The following MYO5B variants were observed in gnomAD, a reference collection of about 807,000 sequenced individuals.
MYO5B encodes the protein unconventional myosin-Vb.
A neutral mutation model predicts 229.3 loss-of-function variants in MYO5B; 143 were observed. That is an observed-to-expected ratio of 0.62 (90% CI 0.54 to 0.72). MYO5B has a LOEUF of 0.72. MYO5B is among the 30% of genes least tolerant of loss of function. The probability of loss-of-function intolerance (pLI) is 0.00; values close to 1 mark genes in which losing one functional copy is unlikely to be tolerated. For missense variants in MYO5B, 2,321 were observed against 2,331.0 expected (o/e 1.00, Z 0.09); for synonymous variants, 918 against 885.2 (o/e 1.04, Z -0.66).
intron 11 of MYO5B, 130 bp from the exon 12 acceptor site, chr18:49,962,536 T>A: frequency 7.6e-7 from 1 of 1,307,982 alleles, no homozygotes; most frequent in Non-Finnish European, 1.1e-6. Context: ...GGATGCTAAG[T>A]CATAGTTATG....
At chr18:49,847,060 G>A in intron 33 of MYO5B, 86 bp downstream of exon 33, 1 of 1,555,468 alleles carries the variant, frequency 6.4e-7, no homozygotes, top group South Asian at 1.1e-5. Flanking sequence ...GTGAAGGAAG[G>A]GGTGTGGGGG....
chr18:50,055,235 A>AACCCCCCCCCCCCCCCCC, intron 2 of MYO5B, 33 bp downstream of exon 2: 1 of 353,292 alleles, frequency 2.8e-6, no homozygotes, highest in Non-Finnish European at 5.7e-6. Flanking sequence ...GCCCCACCTC[A>AACCCCCCCCCCCCCCCCC]CCCCCGCCCC....
intron 2 of MYO5B, 43 bp downstream of exon 2, chr18:50,055,225 G>GGCCCCCCCCCCCCCCCCCC: frequency 4.3e-6 from 3 of 700,368 alleles, no homozygotes; most frequent in Non-Finnish European, 2.7e-6. Context: ...TGAGCTCCCT[G>GGCCCCCCCCCCCCCCCCCC]CCCCACCTCA....
chr18:49,992,357 G>T lies in MYO5B; in HGVS notation c.687C>A (p.Asp229Glu). ...TGGCCCCGATGATGTGGTACCTTTT[G>T]TCAAAGCCAATCTGGATGTACTTGC... ...RFGKYIQIGF[D>E]KRYHIIGANM... Residue 229 changes from aspartate (D) to glutamate (E), a missense_variant, in exon 6 of 40, where the codon GAC (aspartate) becomes GAA (glutamate). Around this residue, in one of 2 missense-constraint regions of MYO5B, gnomAD observed 2,113 missense variants for 2,044.7 expected, o/e 1.03. Coordinates refer to ENST00000285039, the MANE Select transcript of MYO5B (RefSeq NM_001080467.3). 6.2e-7 allele frequency: 1 copy of T among 1,614,174 alleles called. No individual in the cohort carries two copies. Among genetic ancestry groups the T allele is most frequent in the Non-Finnish European group, 8.5e-7 (1 of 1,180,026 alleles).
At chr18:49,830,932 G>A (rs949287930) in intron 39 of MYO5B, among the ~76,000 whole-genome samples, 4 of 150,804 alleles carry the variant, frequency 2.7e-5, no homozygotes, top group Admixed American at 6.6e-5. Flanking sequence ...GTATGGTACT[G>A]GTATACGGAC....
At chr18:49,879,779 T>C (rs2024566683) in intron 23 of MYO5B, among the ~76,000 whole-genome samples, 1 of 152,148 alleles carries the variant, frequency 6.6e-6, no homozygotes, top group Non-Finnish European at 1.5e-5. Context: ...GAGTGGCACA[T>C]GGGGACTGAT....
At chr18:49,999,997 T>C (rs1367802648) in intron 5 of MYO5B, among the ~76,000 whole-genome samples, 1 of 152,258 alleles carries the variant, frequency 6.6e-6, no homozygotes, top group African/African-American at 2.4e-5. Flanking sequence ...AACTTGCTTT[T>C]CAAAAATTCA....
rs747427142 is a variant in MYO5B, at chr18:49,902,692, C to G, written c.2713G>C (p.Ala905Pro). Reference sequence around the variant, plus strand: ...GCTGAGCGGGCCTCAATCCTGAGGGCCTTCAGCTCCCGCCTGGCCTTGAGC... The same window carrying G: ...GCTGAGCGGGCCTCAATCCTGAGGGGCTTCAGCTCCCGCCTGGCCTTGAGC... Reference protein sequence around the residue: ...RMLKARRELKALRIEARSAEH... With the variant: ...RMLKARRELKPLRIEARSAEH... The change falls in exon 21 of 40, where the codon GCC (alanine) becomes CCC (proline). Residue 905 changes from alanine (A) to proline (P), a missense_variant. Transcript: ENST00000285039. 6.2e-7 allele frequency: 1 copy of G among 1,612,434 alleles called. No individual in the cohort carries two copies. Among genetic ancestry groups the G allele is most frequent in the Non-Finnish European group, 8.5e-7 (1 of 1,180,044 alleles).
chr18:50,156,963 G>T (rs191094332), intron 1 of MYO5B, among the ~76,000 whole-genome samples: 22 of 152,086 alleles, frequency 1.4e-4, no homozygotes, highest in African/African-American at 5.3e-4. Flanking sequence ...CTGATCCCCT[G>T]TAACTCTCTA....
At chr18:49,913,574 C>A (rs8084214) in intron 17 of MYO5B, among the ~76,000 whole-genome samples, 8,307 of 152,068 alleles carry the variant, frequency 0.055, 587 homozygotes, top group African/African-American at 0.16. Context: ...ATACCCCTCA[C>A]GTGGAAGTAA....
intron 30 of MYO5B, among the ~76,000 whole-genome samples, chr18:49,855,557 C>T (rs2024252461): frequency 6.6e-6 from 1 of 152,178 alleles, no homozygotes; most frequent in Admixed American, 6.5e-5. Flanking sequence ...TGAATAATAA[C>T]CATGATAGTA....
rs117467596 is a variant in MYO5B at position 50,154,367 on chromosome 18, C to A, written c.27+40400G>T. 1.5e-3 allele frequency among the ~76,000 whole-genome samples: 229 copies of A among 152,254 alleles called. 1 individual carries two copies. In the East Asian group the frequency reaches 0.025, roughly 16 times the overall value. Reference sequence around the variant, plus strand: ...CTCACAACATTGAAGTCAAGAGTTTCTTCTTTGCACACTAAATCTGGCTCC... The same window carrying A: ...CTCACAACATTGAAGTCAAGAGTTTATTCTTTGCACACTAAATCTGGCTCC... On this transcript the variant is annotated intron_variant, in intron 1 of 39. Transcript: ENST00000285039.
chr18:49,960,062 G>T (rs901534491), intron 12 of MYO5B, among the ~76,000 whole-genome samples: 1 of 151,966 alleles, frequency 6.6e-6, no homozygotes, highest in African/African-American at 2.4e-5. Flanking sequence ...ACAGGCCCTG[G>T]GGAGTGCTCC....
intron 14 of MYO5B, among the ~76,000 whole-genome samples, chr18:49,950,116 G>A (rs1246044502): frequency 1.3e-5 from 2 of 152,296 alleles, no homozygotes; most frequent in South Asian, 2.1e-4. Flanking sequence ...GGGGCTCAGG[G>A]TAGAGAGTTC....
intron 25 of MYO5B, 98 bp downstream of exon 25, chr18:49,877,665 A>G: frequency 6.5e-7 from 1 of 1,548,972 alleles, no homozygotes; most frequent in Non-Finnish European, 8.9e-7. Context: ...TCTGGTCACC[A>G]TCAGCAGAAG....
chr18:49,875,721 T>A lies in MYO5B; in HGVS notation c.3503A>T (p.Glu1168Val), dbSNP rs749027491. The change falls in exon 26 of 40, where the codon GAG (glutamate) becomes GTG (valine). Residue 1168 changes from glutamate (E) to valine (V), a missense_variant. Physicochemically the swap from Glu to Val is moderately radical, Grantham distance 121 (BLOSUM62 -2). Around this residue, in one of 2 missense-constraint regions of MYO5B, gnomAD observed 2,113 missense variants for 2,044.7 expected, o/e 1.03. Transcript: ENST00000285039. Reference sequence around the variant, plus strand: ...CTTGCTGTCCTGCTGTTCTCTCTTCTCCAGCTGCACTTGCAGCTTTTTCCT... The same window carrying A: ...CTTGCTGTCCTGCTGTTCTCTCTTCACCAGCTGCACTTGCAGCTTTTTCCT... ...QERKKLQVQL[E>V]KREQQDSKKV... is the part of the protein sequence containing the mutation. 6.2e-7 allele frequency: 1 copy of A among 1,614,162 alleles called. No homozygotes were observed. The highest frequency in any genetic ancestry group is 8.5e-7 in the Non-Finnish European group (1 of 1,180,012).
At chr18:50,102,561 C>T (rs1164565833) in intron 1 of MYO5B, among the ~76,000 whole-genome samples, 1 of 152,010 alleles carries the variant, frequency 6.6e-6, no homozygotes, top group Non-Finnish European at 1.5e-5. Flanking sequence ...CAAAGAGTTT[C>T]CACAATTAGC....
chr18:50,050,368 G>A (rs1219303035), intron 2 of MYO5B, among the ~76,000 whole-genome samples: 2 of 152,122 alleles, frequency 1.3e-5, no homozygotes, highest in African/African-American at 4.8e-5. Flanking sequence ...GAGTCTGAGT[G>A]CACCAATATG....
intron 39 of MYO5B, among the ~76,000 whole-genome samples, chr18:49,827,098 G>T (rs754835190): frequency 6.6e-6 from 1 of 152,216 alleles, no homozygotes; most frequent in Non-Finnish European, 1.5e-5. Flanking sequence ...CTAGGGATTG[G>T]TCCCTCCACT....
Sources: gnomAD v4.1 joint callset for allele counts (sites outside exome capture counted in the v4.1 genomes callset) on GRCh38, gnomAD v4.1.1 for gene constraint, gnomAD v4.1.1 regional missense constraint, MANE v1.5 for transcripts, NCBI Gene and HGNC (gene_info 2026-07-23, HGNC 2026-07-21) for gene names.